SPTA1: variants seen among roughly 807,000 people sequenced by gnomAD.
The protein encoded by SPTA1 is spectrin alpha, erythrocytic 1.
Under a neutral mutation model 324.7 loss-of-function variants are expected in SPTA1, and 177 were observed. The ratio of observed to expected loss-of-function variants is 0.55; its 90% CI spans 0.48 to 0.62. The LOEUF (loss-of-function observed/expected upper bound fraction) is 0.62. Among genes scored for constraint, SPTA1 ranks in the 20% least tolerant of loss-of-function variants. The pLI, the probability that SPTA1 is intolerant of heterozygous loss-of-function variation, is 0.00. For synonymous variants in SPTA1, 1,195 were observed against 1,041.3 expected (o/e 1.15, Z -2.84); for missense variants, 3,162 against 2,883.6 (o/e 1.10, Z -2.21).
chr1:158,672,269 T>G, intron 10 of SPTA1, 73 bp from the exon 11 acceptor site: 1 of 1,478,314 alleles, frequency 6.8e-7, no homozygotes, highest in Non-Finnish European at 9.2e-7. Flanking sequence ...GAGCATATAA[T>G]AAATGCAAAG....
intron 22 of SPTA1, 84 bp from the exon 23 acceptor site, chr1:158,652,737 A>G: frequency 1.4e-6 from 2 of 1,476,406 alleles, no homozygotes; most frequent in Admixed American, 1.8e-5. Flanking sequence ...TAGAGAAAGA[A>G]GGAACAAAAA....
Position 158,626,139 on chromosome 1 carries a change from A to G in SPTA1, c.5910+7T>C, listed in dbSNP as rs375085462. The G allele has an allele frequency of 3.1e-6, 5 of 1,612,932 alleles. No individual in the cohort carries two copies. Among genetic ancestry groups the G allele is most frequent in the Admixed American group, 3.3e-5 (2 of 59,980 alleles). On this transcript the variant is annotated splice_region_variant and intron_variant, in intron 42 of 51. Coordinates refer to ENST00000643759, the MANE Select transcript of SPTA1 (RefSeq NM_003126.4). ...TCTTGGGCTTACCTAACATCTATCA[A>G]TCTCACCTGTTTTGCCAGAAGAGTG... is the stretch of plus-strand genomic sequence containing the variant.
intron 23 of SPTA1, among the ~76,000 whole-genome samples, chr1:158,652,111 C>T (rs978151366): frequency 9.2e-5 from 14 of 152,140 alleles, no homozygotes; most frequent in African/African-American, 3.4e-4. Context: ...CCACCCCAAA[C>T]TCTGCCCCAT....
At chr1:158,680,121 T>C (rs1469446481) in intron 5 of SPTA1, among the ~76,000 whole-genome samples, 3 of 152,136 alleles carry the variant, frequency 2.0e-5, no homozygotes, top group African/African-American at 4.8e-5. Context: ...ACCGCTTCCT[T>C]TCCTTCCTCA....
intron 39 of SPTA1, among the ~76,000 whole-genome samples, chr1:158,630,959 TA>T (rs1223550220): frequency 2.0e-5 from 3 of 151,924 alleles, no homozygotes; most frequent in Non-Finnish European, 4.4e-5. Flanking sequence ...ATGGCCATAT[TA>T]AAAAGTCAAA....
intron 29 of SPTA1, 70 bp downstream of exon 29, chr1:158,645,118 A>G: frequency 6.5e-7 from 1 of 1,536,096 alleles, no homozygotes; most frequent in Non-Finnish European, 9.0e-7. Context: ...GGAGCCTGTA[A>G]TGACCATATG....
chr1:158,667,655 G>GA (rs1273792755), intron 15 of SPTA1, among the ~76,000 whole-genome samples: 1 of 152,082 alleles, frequency 6.6e-6, no homozygotes, highest in East Asian at 1.9e-4. Context: ...ACCCTTGAAG[G>GA]AAACATAAAA....
At position 158,648,591 on chromosome 1, in the gene SPTA1, G is replaced by C. The variant is rs1350167940; in HGVS notation, c.3632C>G (p.Pro1211Arg). Residue 1211 changes from proline to arginine, a missense_variant, in exon 26 of 52, where the codon CCT becomes CGT. Transcript: ENST00000643759. ...CTGAACACTGAACAGATCTGAGCCAGGGTCTGCAGCACTGAGGGCCTGGCA... is the reference window on the plus strand; with the variant it reads ...CTGAACACTGAACAGATCTGAGCCACGGTCTGCAGCACTGAGGGCCTGGCA... ...KKCQALSAAD[P>R]GSDLFSVQAL... is the part of the protein sequence containing the mutation. 6.2e-7 allele frequency: 1 copy of C among 1,614,002 alleles called. No homozygotes were observed.
Position 158,627,661 on chromosome 1 carries a change from T to G in SPTA1, c.5628A>C (p.Gln1876His). 1 of 1,613,570 alleles carries G rather than the reference T, an allele frequency of 6.2e-7. No homozygotes were observed. The highest frequency in any genetic ancestry group is 8.5e-7 in the Non-Finnish European group (1 of 1,179,780). ...NDFAVHETRV[Q>H]NVCAQGEDIL... ...TGTCTTCTCCTTGTGCACACACATT[T>G]TGTACTCGGGTCTCATGGACAGCAA... The change falls in exon 40 of 52, where the codon CAA (glutamine) becomes CAC (histidine). Residue 1876 changes from glutamine (Q) to histidine (H), a missense_variant. Coordinates refer to ENST00000643759, the MANE Select transcript of SPTA1 (RefSeq NM_003126.4).
rs1352639364 is a variant in SPTA1, at chr1:158,619,407, G to A, written c.6418-73C>T. The A allele has an allele frequency of 1.4e-5, 20 of 1,401,588 alleles. No homozygotes were observed. The East Asian group carries it at 3.9e-4, about 27-fold the overall frequency. 86.8% of individuals were successfully genotyped at this position (1,401,588 alleles called of 1,614,324 possible). A position where few individuals can be genotyped will look rare whatever the true frequency, so the allele number is the denominator to read the frequency against. On this transcript the variant is annotated intron_variant, in intron 44 of 51. Coordinates refer to ENST00000643759, the MANE Select transcript of SPTA1 (RefSeq NM_003126.4). ...TTTGCCATAAGAGAATTGGTTTGTA[G>A]GCTTAACTGCATATCTTTCCTCTCT...
At chr1:158,639,505 G>T in intron 35 of SPTA1, 77 bp downstream of exon 35, 1 of 1,447,280 alleles carries the variant, frequency 6.9e-7, no homozygotes, top group Middle Eastern at 1.8e-4. Context: ...TTTTCAAATG[G>T]TCTCCTAACA....
At chr1:158,625,630 A>C (rs1650218717) in intron 42 of SPTA1, among the ~76,000 whole-genome samples, 1 of 151,938 alleles carries the variant, frequency 6.6e-6, no homozygotes, top group African/African-American at 2.4e-5. Context: ...ACACTACCAA[A>C]TAATAAAAAG....
chr1:158,686,704 T>C lies in SPTA1; in HGVS notation c.-187A>G. The C allele has an allele frequency of 1.9e-6, 1 of 535,808 alleles. No homozygotes were observed. The highest frequency in any genetic ancestry group is 3.3e-6 in the Non-Finnish European group (1 of 300,144). The allele number at this position is 535,808 out of a possible 1,614,324, so 33.2% of individuals were successfully genotyped here. A position where few individuals can be genotyped will look rare whatever the true frequency, so the allele number is the denominator to read the frequency against. ...TCAGCCATACACAATCGACATTATC[T>C]TTAGAAGACATACTCAGCTGAGGCA... On this transcript the variant is annotated 5_prime_UTR_variant, in exon 1 of 52. Transcript: ENST00000643759.
In SPTA1 at chr1:158,615,370, G is replaced by A. The variant is rs1571371125; in HGVS notation, c.6634C>T (p.Gln2212Ter). The A allele has an allele frequency of 6.2e-7, 1 of 1,613,970 alleles. No homozygotes were observed. ...CCCAGGTCCACAATCTTGGTTAGTT[G>A]ACGCTTCATCGCCTGGATCTCCTTC... Reference protein sequence around the residue: ...KQKEIQAMKRQLTKIVDLGDN... With the variant: ...KQKEIQAMKR Residue 2212 changes from glutamine (Q) to a stop codon, truncating the protein, a stop_gained, in exon 48 of 52, where the codon CAA becomes TAA. Transcript: ENST00000643759. LOFTEE classifies it high-confidence loss of function.
At chr1:158,650,866 T>C (rs1028879845) in intron 24 of SPTA1, among the ~76,000 whole-genome samples, 9 of 152,238 alleles carry the variant, frequency 5.9e-5, no homozygotes, top group Admixed American at 3.3e-4. Context: ...AGAGGAGGTT[T>C]GGATATTGTA....
chr1:158,647,700 TGTCTCCCCCA>T lies in SPTA1; in HGVS notation c.3725_3734del (p.Leu1242GlnfsTer23). ...GATGGGACTCACTGAGCCGCTCTGC[TGTCTCCCCCA>T]GTATGGTCACCTGGGGAGGTACAAT... On this transcript the variant is annotated frameshift_variant, in exon 27 of 52. Transcript: ENST00000643759. LOFTEE classifies it high-confidence loss of function. 1 of 1,613,914 alleles carries T rather than the reference TGTCTCCCCCA, an allele frequency of 6.2e-7. No homozygotes were observed. Among genetic ancestry groups the T allele is most frequent in the Non-Finnish European group, 8.5e-7 (1 of 1,179,902 alleles).
chr1:158,680,547 C>G lies in SPTA1; in HGVS notation c.678+36G>C, dbSNP rs370650632. On this transcript the variant is annotated intron_variant, in intron 5 of 51. Transcript: ENST00000643759. ...AGAAGTTATTCTTAAGGATAAGAAC[C>G]CTTTGCACGGAGTGAATATTTTGCT... The G allele has an allele frequency of 6.2e-5, 100 of 1,613,146 alleles. No individual in the cohort carries two copies. In the African/African-American group the frequency reaches 9.1e-4, roughly 15 times the overall value.
chr1:158,670,811 G>T (rs1653967214), intron 12 of SPTA1, among the ~76,000 whole-genome samples: 1 of 152,034 alleles, frequency 6.6e-6, no homozygotes. Context: ...GAAAAGAGTA[G>T]ACAGTACTTA....
At chr1:158,675,217 C>T (rs562186761) in intron 8 of SPTA1, among the ~76,000 whole-genome samples, 1 of 152,196 alleles carries the variant, frequency 6.6e-6, no homozygotes, top group South Asian at 2.1e-4. Flanking sequence ...TAAGGACTAA[C>T]CATAAGAATT....
Sources: allele counts gnomAD v4.1 joint callset (sites outside exome capture counted in the v4.1 genomes callset), GRCh38; gene constraint gnomAD v4.1.1; transcripts MANE v1.5; gene names NCBI Gene and HGNC (gene_info 2026-07-23, HGNC 2026-07-21).